The following MTOR variants were observed in gnomAD, a reference collection of about 807,000 sequenced individuals.
MTOR encodes the protein serine/threonine-protein kinase mTOR.
A neutral mutation model predicts 319.8 loss-of-function variants in MTOR; 70 were observed. The observed-to-expected ratio is 0.22, with a 90% CI of 0.18 to 0.27. The LOEUF is 0.27. Among genes scored for constraint, MTOR ranks in the 10% least tolerant of loss-of-function variants. MTOR has a pLI of 1.00. For synonymous variants in MTOR, 1,183 were observed against 1,211.4 expected, an observed-to-expected ratio of 0.98 and a Z score of 0.49; for missense variants, 1,890 against 3,274.4, an observed-to-expected ratio of 0.58 and a Z score of 10.32.
chr1:11,112,880 C>T lies in MTOR; in HGVS notation c.7338G>A (p.Thr2446=), dbSNP rs1029102683. ...CTGACTGGCCAGCAGAGTAGGAATC[C>T]GTCCTCGTTCGGGATCGCTTGTTGC... The part of the protein sequence containing the change: ...TKGNKRSRTR[T]DSYSAGQSVE... Residue 2446 remains threonine, a synonymous_variant, in exon 54 of 58, where the codon ACG becomes ACA. Transcript: ENST00000361445. 15 of 1,614,090 alleles carry T rather than the reference C, an allele frequency of 9.3e-6. No individual in the cohort carries two copies. In the African/African-American group the frequency reaches 1.1e-4, roughly 11 times the overall value.
At chr1:11,222,054 T>C (rs1016978069) in intron 19 of MTOR, among the ~76,000 whole-genome samples, 35 of 151,854 alleles carry the variant, frequency 2.3e-4, no homozygotes, top group Admixed American at 1.5e-3. Context: ...TGTTAGAGGC[T>C]TGACTCATTA....
At chr1:11,203,741 A>T (rs1004085626) in intron 26 of MTOR, among the ~76,000 whole-genome samples, 4 of 152,178 alleles carry the variant, frequency 2.6e-5, no homozygotes, top group African/African-American at 7.2e-5. Context: ...TGTCCCATAT[A>T]GTCTGTTAGA....
rs201868014 is a variant in MTOR, at chr1:11,141,558, G to A, written c.4873-1900C>T. Among the ~76,000 whole-genome samples, 7 of 151,990 alleles carry A rather than the reference G, an allele frequency of 4.6e-5. No homozygotes were observed. In the East Asian group the frequency reaches 1.4e-3, roughly 30 times the overall value. ...TAATTTTTGTATTTTTAGTAGATACGGGGTTTTGCTATGTTGGCCAGCCTG... is the reference window on the plus strand; with the variant it reads ...TAATTTTTGTATTTTTAGTAGATACAGGGTTTTGCTATGTTGGCCAGCCTG... On this transcript the variant is annotated intron_variant, in intron 34 of 57. Coordinates refer to ENST00000361445, the MANE Select transcript of MTOR (RefSeq NM_004958.4).
chr1:11,201,888 C>T (rs573187220), intron 26 of MTOR, among the ~76,000 whole-genome samples: 6 of 152,264 alleles, frequency 3.9e-5, no homozygotes, highest in African/African-American at 1.4e-4. Context: ...CTCTCTGCAG[C>T]CTCTAAACTC....
intron 8 of MTOR, among the ~76,000 whole-genome samples, chr1:11,245,648 C>T (rs186998984): frequency 2.0e-5 from 3 of 152,264 alleles, no homozygotes; most frequent in East Asian, 3.9e-4. Context: ...TCTGTAATCC[C>T]AAGCACTTTG....
Position 11,133,613 on chromosome 1 carries a change from C to T in MTOR, c.5247-416G>A, listed in dbSNP as rs1643266049. ...CACATTTACTGACTGCTACTGTATT[C>T]CAAGTGCTGCTTGAAATGCTTGGCA... On this transcript the variant is annotated intron_variant, in intron 37 of 57. Transcript: ENST00000361445. This position sits in a 1 kb window ranked among gnomAD's most constrained non-coding sequence, Gnocchi z 4.0. 6.6e-6 allele frequency among the ~76,000 whole-genome samples: 1 copy of T among 152,170 alleles called. No individual in the cohort carries two copies. Among genetic ancestry groups the T allele is most frequent in the East Asian group, 1.9e-4 (1 of 5,188 alleles).
intron 31 of MTOR, 84 bp downstream of exon 31, chr1:11,150,042 A>C: frequency 8.2e-7 from 1 of 1,224,450 alleles, no homozygotes; most frequent in Non-Finnish European, 1.2e-6. Flanking sequence ...ATCTCCACCT[A>C]GAGCCAGCAC....
intron 20 of MTOR, among the ~76,000 whole-genome samples, chr1:11,214,222 A>G (rs1646399651): frequency 6.6e-6 from 1 of 152,232 alleles, no homozygotes; most frequent in Non-Finnish European, 1.5e-5. Flanking sequence ...AGATTTTGCT[A>G]TTAATAGATA....
Position 11,259,365 on chromosome 1 carries a change from T to C in MTOR, c.45A>G (p.Thr15=), listed in dbSNP as rs765251989. Residue 15 remains threonine (T), a synonymous_variant, in exon 2 of 58, where the codon ACA becomes ACG. Transcript: ENST00000361445. The part of the protein sequence containing the change: ...GPAAATTAAT[T]SSNVSVLQQF... Reference sequence around the variant, plus strand: ...GCTGCAGGACGCTCACATTGCTAGATGTGGTGGCAGCGGTGGTGGCGGCGG... The same window carrying C: ...GCTGCAGGACGCTCACATTGCTAGACGTGGTGGCAGCGGTGGTGGCGGCGG... The C allele has an allele frequency of 2.5e-6, 4 of 1,603,076 alleles. No individual in the cohort carries two copies. The highest frequency in any genetic ancestry group is 1.1e-5 in the South Asian group (1 of 89,296).
At chr1:11,246,561 C>T (rs753146012) in intron 8 of MTOR, among the ~76,000 whole-genome samples, 20 of 151,834 alleles carry the variant, frequency 1.3e-4, no homozygotes, top group Non-Finnish European at 1.9e-4. Context: ...TTTCGAACAG[C>T]GTGTTTAACA....
intron 5 of MTOR, among the ~76,000 whole-genome samples, chr1:11,255,347 A>C (rs531235428): frequency 9.1e-4 from 133 of 145,902 alleles, no homozygotes; most frequent in African/African-American, 3.5e-3. Flanking sequence ...CACACCACTA[A>C]ACTCCAGCTT....
chr1:11,230,679 G>C (rs1191734608), intron 18 of MTOR, among the ~76,000 whole-genome samples: 1 of 152,208 alleles, frequency 6.6e-6, no homozygotes, highest in Non-Finnish European at 1.5e-5. Flanking sequence ...GCATCAAAAA[G>C]CAGACAGACT....
chr1:11,219,103 T>C (rs72856942), intron 19 of MTOR, among the ~76,000 whole-genome samples: 8,679 of 152,048 alleles, frequency 0.057, 352 homozygotes, highest in South Asian at 0.12. Context: ...TAGTCCCAGT[T>C]ACTTGGAAGG....
Position 11,261,275 on chromosome 1 carries a change from C to A in MTOR, c.-15+1170G>T, listed in dbSNP as rs543450724. 3.3e-4 allele frequency among the ~76,000 whole-genome samples: 50 copies of A among 150,716 alleles called. No homozygotes were observed. The South Asian group carries it at 9.5e-3, about 29-fold the overall frequency. ...GGTCAGGAAATCGAGACCATCCTGG[C>A]CAACACGGTGAAATCCCGCCTCTAC... On this transcript the variant is annotated intron_variant, in intron 1 of 57. Coordinates refer to ENST00000361445, the MANE Select transcript of MTOR (RefSeq NM_004958.4).
chr1:11,111,315 C>G (rs1641857791), intron 54 of MTOR, among the ~76,000 whole-genome samples: 1 of 151,812 alleles, frequency 6.6e-6, no homozygotes, highest in Non-Finnish European at 1.5e-5. Context: ...CCTATCTCTA[C>G]TAAAAATTCA....
At chr1:11,145,472 G>A (rs1643900412) in intron 32 of MTOR, among the ~76,000 whole-genome samples, 1 of 152,122 alleles carries the variant, frequency 6.6e-6, no homozygotes, top group Non-Finnish European at 1.5e-5. Flanking sequence ...CACCTCCCGG[G>A]TTCAAGTGAT....
chr1:11,230,895 G>T, intron 18 of MTOR, 30 bp downstream of exon 18: 6 of 1,612,810 alleles, frequency 3.7e-6, no homozygotes, highest in South Asian at 1.1e-5. Context: ...TGAGAACTTG[G>T]CAAGTCTTTC....
At chr1:11,158,862 T>C (rs1229803788) in intron 29 of MTOR, among the ~76,000 whole-genome samples, 1 of 148,764 alleles carries the variant, frequency 6.7e-6, no homozygotes, top group Non-Finnish European at 1.5e-5. Flanking sequence ...AACTATAAGG[T>C]TTAAGCAATG....
chr1:11,177,505 C>A (rs61773695), intron 28 of MTOR, among the ~76,000 whole-genome samples: 1 of 152,156 alleles, frequency 6.6e-6, no homozygotes, highest in Non-Finnish European at 1.5e-5. Flanking sequence ...CTGCAGTGGG[C>A]TACAATCGCA....
Sources: gnomAD v4.1 joint callset for allele counts (sites outside exome capture counted in the v4.1 genomes callset) on GRCh38, gnomAD v4.1.1 for gene constraint, Gnocchi (gnomAD v3.1) non-coding constraint, MANE v1.5 for transcripts, NCBI Gene and HGNC (gene_info 2026-07-23, HGNC 2026-07-21) for gene names.